ZNF676: variants seen among roughly 807,000 people sequenced by gnomAD.
The protein encoded by ZNF676 is zinc finger protein 676.
ZNF676 carries 4 observed loss-of-function variants against 6.0 expected under a neutral mutation model. The observed-to-expected ratio is 0.67, with a 90% CI of 0.33 to 1.53. ZNF676 has a LOEUF of 1.53. ZNF676 is among the 40% of genes most tolerant of loss of function. The pLI is 0.06. For synonymous variants in ZNF676, 198 were observed against 223.1 expected, an observed-to-expected ratio of 0.89 and a Z score of 1.00; for missense variants, 644 against 679.7, an observed-to-expected ratio of 0.95 and a Z score of 0.58.
At chr19:22,200,567 G>A (rs932745928), upstream of ZNF676, among the ~76,000 whole-genome samples, 1 of 139,052 alleles carries the variant, frequency 7.2e-6, no homozygotes. Context: ...TGCGGAGGCT[G>A]GAGTGCAATG....
the ZNF676 span, among the ~76,000 whole-genome samples, chr19:22,249,822 T>C: frequency 2.0e-5 from 3 of 152,030 alleles, no homozygotes; most frequent in Non-Finnish European, 4.4e-5. Context: ...TTATTAAACG[T>C]TTATGAAAAT....
intron 2 of ZNF676, among the ~76,000 whole-genome samples, chr19:22,187,432 T>C (rs1456427211): frequency 2.6e-5 from 4 of 151,868 alleles, no homozygotes; most frequent in Admixed American, 6.6e-5. Context: ...AGATCTAAAA[T>C]TGACAACTTA....
At chr19:22,183,591 T>G (rs1448451703) in intron 2 of ZNF676, among the ~76,000 whole-genome samples, 1 of 152,162 alleles carries the variant, frequency 6.6e-6, no homozygotes, top group Admixed American at 6.6e-5. Context: ...CCACCTGCCT[T>G]GGCCACCTAA....
chr19:22,246,054 G>A, the ZNF676 span, among the ~76,000 whole-genome samples: 10 of 152,208 alleles, frequency 6.6e-5, no homozygotes, highest in African/African-American at 2.4e-4. Flanking sequence ...CAGGGCCCAG[G>A]CAAACAAGGA....
chr19:22,192,300 A>T (rs2095126884), intron 2 of ZNF676, among the ~76,000 whole-genome samples: 2 of 152,152 alleles, frequency 1.3e-5, no homozygotes, highest in Non-Finnish European at 2.9e-5. Flanking sequence ...TATCAATGAA[A>T]AATGAGAGAA....
At chr19:22,195,189 C>T (rs1314242251) in intron 1 of ZNF676, among the ~76,000 whole-genome samples, 1 of 152,192 alleles carries the variant, frequency 6.6e-6, no homozygotes, top group Non-Finnish European at 1.5e-5. Flanking sequence ...GGGAGCACAA[C>T]TACATGAGAA....
At chr19:22,187,689 C>T (rs2023857203) in intron 2 of ZNF676, among the ~76,000 whole-genome samples, 1 of 151,704 alleles carries the variant, frequency 6.6e-6, no homozygotes, top group African/African-American at 2.4e-5. Flanking sequence ...AAAGGGGACA[C>T]CGCCACTGAT....
Position 22,179,800 on chromosome 19 carries a change from G to A in ZNF676, c.*150C>T. 3.2e-6 allele frequency: 3 copies of A among 943,684 alleles called. No individual in the cohort carries two copies. Among genetic ancestry groups the A allele is most frequent in the Non-Finnish European group, 5.0e-6 (3 of 594,286 alleles). The allele number at this position is 943,684 out of a possible 1,614,324, so 58.5% of individuals were successfully genotyped here. ...TTCACGTTTGTAGTGTTTCTCTCCA[G>A]CATGAATTTTCTTATGTGTAATAAA... On this transcript the variant is annotated 3_prime_UTR_variant, in exon 3 of 3. Transcript: ENST00000397121.
At chr19:22,215,579 G>A (rs4932964) in intron 1 of ZNF676, 22 of 1,601,098 alleles carry the variant, frequency 1.4e-5, no homozygotes, top group African/African-American at 1.2e-4. Flanking sequence ...ACTTCCCGCC[G>A]GTTCCAACCA....
chr19:22,258,658 A>G, the ZNF676 span, among the ~76,000 whole-genome samples: 1 of 152,234 alleles, frequency 6.6e-6, no homozygotes, highest in African/African-American at 2.4e-5. Flanking sequence ...ATATGTCACA[A>G]TGGCCCATGT....
At chr19:22,211,386 C>G (rs962851889) in intron 1 of ZNF676, among the ~76,000 whole-genome samples, 2 of 152,134 alleles carry the variant, frequency 1.3e-5, no homozygotes, top group Non-Finnish European at 2.9e-5. Flanking sequence ...TTAACCTTAG[C>G]TTGCAGTCAT....
chr19:22,206,195 T>G (rs1378271612), intron 1 of ZNF676, among the ~76,000 whole-genome samples: 1 of 152,016 alleles, frequency 6.6e-6, no homozygotes, highest in Non-Finnish European at 1.5e-5. Context: ...ACAGCTGAAT[T>G]CTACCAGATG....
the ZNF676 span, among the ~76,000 whole-genome samples, chr19:22,247,380 A>G: frequency 3.3e-5 from 5 of 151,878 alleles, no homozygotes; most frequent in Admixed American, 3.3e-4. Flanking sequence ...CCTGACCAAC[A>G]TGGAGAAAAC....
intron 1 of ZNF676, among the ~76,000 whole-genome samples, chr19:22,213,352 G>T (rs958920109): frequency 5.3e-5 from 8 of 152,150 alleles, no homozygotes; most frequent in African/African-American, 1.9e-4. Flanking sequence ...AATTATTTTG[G>T]TTTCCCCTTC....
the ZNF676 span, among the ~76,000 whole-genome samples, chr19:22,237,184 C>G: frequency 9.5e-3 from 1,449 of 152,280 alleles, 22 homozygotes; most frequent in African/African-American, 0.032. Flanking sequence ...ATTCCTCCCT[C>G]TACATTAAGC....
chr19:22,235,538 C>T, the ZNF676 span, among the ~76,000 whole-genome samples: 1 of 152,168 alleles, frequency 6.6e-6, no homozygotes, highest in Non-Finnish European at 1.5e-5. Context: ...AGGCCCTGGA[C>T]CACTGGACCC....
chr19:22,185,313 T>C (rs1328181735), intron 2 of ZNF676, among the ~76,000 whole-genome samples: 3 of 152,032 alleles, frequency 2.0e-5, no homozygotes, highest in Non-Finnish European at 4.4e-5. Flanking sequence ...CAGAAAGGAA[T>C]AGAAGCAACA....
intron 1 of ZNF676, among the ~76,000 whole-genome samples, chr19:22,207,347 C>A (rs913263924): frequency 6.6e-6 from 1 of 152,098 alleles, no homozygotes; most frequent in African/African-American, 2.4e-5. Context: ...TTCACAACTG[C>A]CACAGAAAAG....
At chr19:22,193,965 G>A (rs140058645) in intron 1 of ZNF676, among the ~76,000 whole-genome samples, 28 of 152,194 alleles carry the variant, frequency 1.8e-4, no homozygotes, top group Admixed American at 9.2e-4. Flanking sequence ...TTGCTTATCC[G>A]CCAGTGCATA....
Sources: gnomAD v4.1 joint callset for allele counts (sites outside exome capture counted in the v4.1 genomes callset) on GRCh38, gnomAD v4.1.1 for gene constraint, MANE v1.5 for transcripts, NCBI Gene and HGNC (gene_info 2026-07-23, HGNC 2026-07-21) for gene names.